PRMT9: variants seen among roughly 807,000 people sequenced by gnomAD.
PRMT9 encodes the protein protein arginine methyltransferase 9.
In PRMT9, 59 loss-of-function variants were observed where a neutral mutation model predicts 83.2. The ratio of observed to expected loss-of-function variants is 0.71; its 90% CI spans 0.57 to 0.88. The LOEUF is 0.88. PRMT9 is among the 40% of genes least tolerant of loss of function. The pLI is 0.00. For synonymous variants in PRMT9, 333 were observed against 353.2 expected (o/e 0.94, Z 0.64); for missense variants, 947 against 1,021.9 (o/e 0.93, Z 1.00).
intron 10 of PRMT9, 75 bp from the exon 11 acceptor site, chr4:147,639,157 T>A: frequency 3.3e-6 from 5 of 1,492,542 alleles, no homozygotes; most frequent in Non-Finnish European, 3.7e-6. Context: ...CTTTTACACA[T>A]TCCTTTTGTG....
At chr4:147,670,912 C>T (rs772483165) in intron 4 of PRMT9, among the ~76,000 whole-genome samples, 169 bp from the exon 5 acceptor site, 1 of 152,092 alleles carries the variant, frequency 6.6e-6, no homozygotes, top group Non-Finnish European at 1.5e-5. Flanking sequence ...AGGAACTTTA[C>T]TCGAATGTTC....
chr4:147,661,586 C>T (rs1230202109), intron 6 of PRMT9, among the ~76,000 whole-genome samples: 2 of 151,782 alleles, frequency 1.3e-5, no homozygotes, highest in South Asian at 2.1e-4. Context: ...GTCAGGAGAT[C>T]GAGACCATCC....
At chr4:147,659,052 A>AC (rs1734740423) in intron 7 of PRMT9, among the ~76,000 whole-genome samples, 1 of 151,928 alleles carries the variant, frequency 6.6e-6, no homozygotes, top group South Asian at 2.1e-4. Context: ...GGTGGCGGGC[A>AC]CCTGTAGTCC....
intron 1 of PRMT9, among the ~76,000 whole-genome samples, chr4:147,681,604 C>T (rs777498135): frequency 1.2e-4 from 18 of 151,908 alleles, no homozygotes; most frequent in Non-Finnish European, 2.4e-4. Flanking sequence ...ATGGCCAACA[C>T]GGTGAAACCC....
Position 147,680,419 on chromosome 4 carries a change from C to T in PRMT9, c.242G>A (p.Ser81Asn). 1 of 1,614,102 alleles carries T rather than the reference C, an allele frequency of 6.2e-7. No individual in the cohort carries two copies. Among genetic ancestry groups the T allele is most frequent in the Non-Finnish European group, 8.5e-7 (1 of 1,179,940 alleles). ...FRWAEELDAL[S>N]RIQDLLGCYE... ...GCAACCAAGTAAGTCTTGTATCCGA[C>T]TGAGAGCATCAAGCTCTTCAGCCCA... is the stretch of plus-strand genomic sequence containing the variant. Residue 81 changes from serine (S) to asparagine (N), a missense_variant, in exon 2 of 12, where the codon AGT (serine) becomes AAT (asparagine). Physicochemically the swap from Ser to Asn is conservative, Grantham distance 46. Transcript: ENST00000322396.
intron 2 of PRMT9, among the ~76,000 whole-genome samples, chr4:147,679,752 A>T (rs1736341413): frequency 1.3e-5 from 2 of 152,132 alleles, no homozygotes. Flanking sequence ...TCTGCCCCCA[A>T]AAAAAACAGT....
intron 4 of PRMT9, among the ~76,000 whole-genome samples, chr4:147,671,455 T>C (rs1321924838): frequency 1.3e-5 from 2 of 152,220 alleles, no homozygotes; most frequent in East Asian, 3.8e-4. Context: ...TTCTCTGAAC[T>C]CCTTCAGCAT....
At chr4:147,656,771 CAAAAAAAAAAAAA>C (rs1023416920) in intron 8 of PRMT9, among the ~76,000 whole-genome samples, 3 of 47,958 alleles carry the variant, frequency 6.3e-5, no homozygotes, top group East Asian at 7.0e-4. Flanking sequence ...GACTCTGTCT[CAAAAAAAAAAAAA>C]AAAAAAAAAA....
In PRMT9 at chr4:147,639,370, GA is replaced by G. The variant is rs1481264167; in HGVS notation, c.2200-289del. 1.2e-5 allele frequency: 4 copies of G among 337,992 alleles called. No homozygotes were observed. In the Admixed American group the frequency reaches 1.4e-4, roughly 11 times the overall value. The allele number at this position is 337,992 out of a possible 1,614,324, so 20.9% of individuals were successfully genotyped here. ...TTACCTGTAGATCTTTCATTTGGAT[GA>G]GAGCAGATTAAATTTTTTCTTAAGC... On this transcript the variant is annotated intron_variant, in intron 10 of 11. Coordinates refer to ENST00000322396, the MANE Select transcript of PRMT9 (RefSeq NM_138364.4).
intron 6 of PRMT9, 62 bp downstream of exon 6, chr4:147,668,477 T>C (rs1467517232): frequency 8.9e-6 from 9 of 1,014,428 alleles, no homozygotes; most frequent in South Asian, 7.7e-5. Flanking sequence ...CTCTTTCCTT[T>C]ATAAATTACC....
intron 4 of PRMT9, chr4:147,671,874 C>T: frequency 2.2e-6 from 1 of 456,228 alleles, no homozygotes; most frequent in South Asian, 1.5e-5. Flanking sequence ...AAGGCCTTAA[C>T]CCCGAAACTG....
At chr4:147,642,992 GC>G (rs1259984427) in intron 9 of PRMT9, 52 bp from the exon 10 acceptor site, 1 of 1,543,000 alleles carries the variant, frequency 6.5e-7, no homozygotes, top group African/African-American at 1.4e-5. Flanking sequence ...GGCGACAGTG[GC>G]TCACGCCTGT....
intron 6 of PRMT9, among the ~76,000 whole-genome samples, chr4:147,668,150 G>A (rs1032277245): frequency 3.9e-5 from 6 of 152,112 alleles, no homozygotes; most frequent in Non-Finnish European, 5.9e-5. Flanking sequence ...TTACTGATAT[G>A]GTTTGACTCT....
At chr4:147,639,153 C>T in intron 10 of PRMT9, 71 bp from the exon 11 acceptor site, 1 of 1,518,212 alleles carries the variant, frequency 6.6e-7, no homozygotes, top group Non-Finnish European at 9.1e-7. Flanking sequence ...TTCACTTTTA[C>T]ACATTCCTTT....
intron 9 of PRMT9, among the ~76,000 whole-genome samples, chr4:147,647,524 T>C (rs1733805376): frequency 6.6e-6 from 1 of 151,534 alleles, no homozygotes; most frequent in African/African-American, 2.4e-5. Context: ...ATTACACTTT[T>C]CTTTTTTTTT....
intron 11 of PRMT9, 96 bp from the exon 12 acceptor site, chr4:147,638,843 A>G (rs567253337): frequency 7.4e-7 from 1 of 1,355,234 alleles, no homozygotes. Context: ...AATTTAAAAT[A>G]CATTTCACTA....
intron 10 of PRMT9, among the ~76,000 whole-genome samples, chr4:147,639,954 TTC>T (rs1414762668): frequency 6.6e-6 from 1 of 151,666 alleles, no homozygotes; most frequent in Non-Finnish European, 1.5e-5. Flanking sequence ...AAGCCTTAGA[TTC>T]TCATGTCACC....
rs1734334235 is a variant in PRMT9, at chr4:147,654,304, G to A, written c.1593C>T (p.Ile531=). Residue 531 remains isoleucine (I), a synonymous_variant, in exon 9 of 12, where the codon ATC becomes ATT. Coordinates refer to ENST00000322396, the MANE Select transcript of PRMT9 (RefSeq NM_138364.4). Reference sequence around the variant, plus strand: ...CCATTTTAAAGCCTTCATGATATGGGATGTTGTTAAGCAAAGCAATTTCTG... The same window carrying A: ...CCATTTTAAAGCCTTCATGATATGGAATGTTGTTAAGCAAAGCAATTTCTG... ...ESTEIALLNN[I]PYHEGFKMAM... is the part of the protein sequence containing the mutation. 1 of 1,614,028 alleles carries A rather than the reference G, an allele frequency of 6.2e-7. No individual in the cohort carries two copies. Among genetic ancestry groups the A allele is most frequent in the African/African-American group, 1.3e-5 (1 of 74,910 alleles).
At chr4:147,680,541 T>C (rs1045423486) in intron 1 of PRMT9, 70 bp from the exon 2 acceptor site, 2 of 1,190,510 alleles carry the variant, frequency 1.7e-6, no homozygotes, top group Non-Finnish European at 2.4e-6. Context: ...CATCATTAGT[T>C]GAAGATTCCA....
Sources: allele counts gnomAD v4.1 joint callset (sites outside exome capture counted in the v4.1 genomes callset), GRCh38; gene constraint gnomAD v4.1.1; transcripts MANE v1.5; gene names NCBI Gene and HGNC (gene_info 2026-07-23, HGNC 2026-07-21).